Variants in CTBP1 observed in about 807,000 individuals in gnomAD.
The protein encoded by CTBP1 is C-terminal-binding protein 1.
A neutral mutation model predicts 42.1 loss-of-function variants in CTBP1; 11 were observed. The observed-to-expected ratio is 0.26, with a 90% CI of 0.16 to 0.43. The LOEUF (loss-of-function observed/expected upper bound fraction) is 0.43, where lower values mean the gene tolerates loss of function less well. Ranked by LOEUF, CTBP1 falls within the 20% of genes least tolerant of loss-of-function variation. The probability of loss-of-function intolerance (pLI) is 1.00; values close to 1 mark genes in which losing one functional copy is unlikely to be tolerated. For synonymous variants in CTBP1, 324 were observed against 277.1 expected (o/e 1.17, Z -1.68); for missense variants, 399 against 624.3 (o/e 0.64, Z 3.85).
intron 1 of CTBP1, chr4:1,245,463 G>A: frequency 2.0e-6 from 2 of 985,420 alleles, no homozygotes; most frequent in Non-Finnish European, 2.4e-6. Flanking sequence ...CACCACTGGA[G>A]AGACAGCCTC....
At position 1,225,461 on chromosome 4, in the gene CTBP1, G is replaced by A. The variant is rs756957912; in HGVS notation, c.413C>T (p.Ala138Val). Residue 138 changes from alanine to valine, a missense_variant, in exon 5 of 10, where the codon GCG (alanine) becomes GTG (valine). Physicochemically the swap from Ala to Val is moderately conservative, Grantham distance 64. Around this residue, in one of 4 missense-constraint regions of CTBP1, gnomAD observed 309 missense variants for 497.5 expected, o/e 0.62. Transcript: ENST00000382952. ...CTGGACTCGTGTGCCCTCCCGCAGC[G>A]CCTGGTGCAGCCAGGTGGCCCGCCG... ...LYRRATWLHQ[A>V]LREGTRVQSV... The A allele has an allele frequency of 2.6e-6, 4 of 1,542,906 alleles. No individual in the cohort carries two copies. The highest frequency in any genetic ancestry group is 1.2e-5 in the South Asian group (1 of 84,046).
chr4:1,225,083 T>C (rs1023042246), intron 5 of CTBP1, among the ~76,000 whole-genome samples: 3 of 151,974 alleles, frequency 2.0e-5, no homozygotes, highest in Non-Finnish European at 2.9e-5. Flanking sequence ...ACCCACGTGC[T>C]GTGATGTCTG....
At chr4:1,236,712 T>C (rs1344141982) in intron 3 of CTBP1, 1 of 680,784 alleles carries the variant, frequency 1.5e-6, no homozygotes, top group Non-Finnish European at 2.7e-6. Context: ...AAACCAAGTG[T>C]CCACCTCCTG....
At chr4:1,217,835 G>A (rs960448864) in intron 5 of CTBP1, 1 of 152,202 alleles carries the variant, frequency 6.6e-6, no homozygotes. Flanking sequence ...AGATGACCGA[G>A]GCTGGAATCA....
chr4:1,214,190 C>T lies in CTBP1; in HGVS notation c.860+153G>A, dbSNP rs112979986. 5.3e-4 allele frequency: 544 copies of T among 1,027,780 alleles called. 2 individuals are homozygous for T. The African/African-American group carries it at 8.2e-3, about 16-fold the overall frequency. 63.7% of individuals were successfully genotyped at this position (1,027,780 alleles called of 1,614,324 possible). A position where few individuals can be genotyped will look rare whatever the true frequency, so the allele number is the denominator to read the frequency against. On this transcript the variant is annotated intron_variant, in intron 7 of 9. Transcript: ENST00000382952. ...CCTAGAGCCCGTGGCTCCATCCTCA[C>T]CCCGCAGCGGGCGGCAAACTCCCCC...
At chr4:1,231,524 G>A (rs1040625839) in intron 3 of CTBP1, among the ~76,000 whole-genome samples, 43 of 152,192 alleles carry the variant, frequency 2.8e-4, no homozygotes, top group African/African-American at 1.0e-3. Flanking sequence ...ACCCCAGGAC[G>A]CTCCTGGTGG....
At chr4:1,216,362 C>G (rs1729115516) in intron 5 of CTBP1, 157 bp from the exon 6 acceptor site, 1 of 713,026 alleles carries the variant, frequency 1.4e-6, no homozygotes, top group South Asian at 1.8e-5. Context: ...GCACGCTCCA[C>G]ACGAGCGCTC....
intron 1 of CTBP1, chr4:1,245,169 A>G (rs1382218041): frequency 1.0e-6 from 1 of 985,358 alleles, no homozygotes; most frequent in Non-Finnish European, 1.2e-6. Flanking sequence ...CTTGGACGGC[A>G]GCATCCCTGT....
At chr4:1,222,092 T>C (rs1201342107) in intron 5 of CTBP1, among the ~76,000 whole-genome samples, 10 of 152,006 alleles carry the variant, frequency 6.6e-5, no homozygotes, top group Non-Finnish European at 1.5e-4. Context: ...AGAGGGCAGA[T>C]GGGGACATGC....
intron 5 of CTBP1, chr4:1,221,912 G>GT (rs1729781243): frequency 5.3e-6 from 2 of 379,944 alleles, no homozygotes; most frequent in African/African-American, 2.1e-5. Context: ...AGAAGGAGAT[G>GT]TAAGTCACGG....
intron 7 of CTBP1, 84 bp from the exon 8 acceptor site, chr4:1,213,689 T>G (rs1728787014): frequency 6.6e-7 from 1 of 1,515,824 alleles, no homozygotes; most frequent in South Asian, 1.2e-5. Flanking sequence ...TGGAACCCCC[T>G]GTGGGGGGCC....
intron 1 of CTBP1, among the ~76,000 whole-genome samples, chr4:1,248,286 C>G (rs1452212944): frequency 6.6e-6 from 1 of 151,854 alleles, no homozygotes; most frequent in Non-Finnish European, 1.5e-5. Context: ...ACGGAGACCC[C>G]GGGCCCTCCC....
intron 2 of CTBP1, among the ~76,000 whole-genome samples, chr4:1,239,849 T>C (rs1320785770): frequency 6.6e-6 from 1 of 152,236 alleles, no homozygotes; most frequent in African/African-American, 2.4e-5. Context: ...AACCGCGTCC[T>C]GGTTCGCCTG....
rs756831831 is a variant in CTBP1, at chr4:1,237,993, T to A, written c.162+190A>T. On this transcript the variant is annotated intron_variant, in intron 3 of 9. Transcript: ENST00000382952. ...CTGATGGGGCTCAGGGCAAACCCGATGTCCACCTCCTGATGGTGTCCAGGG... is the reference window on the plus strand; with the variant it reads ...CTGATGGGGCTCAGGGCAAACCCGAAGTCCACCTCCTGATGGTGTCCAGGG... 45 of 779,642 alleles carry A rather than the reference T, an allele frequency of 5.8e-5. No individual in the cohort carries two copies. In the African/African-American group the frequency reaches 7.0e-4, roughly 12 times the overall value. The allele number at this position is 779,642 out of a possible 1,614,324, so 48.3% of individuals were successfully genotyped here.
intron 3 of CTBP1, among the ~76,000 whole-genome samples, chr4:1,229,288 C>T (rs1560257594): frequency 6.6e-6 from 1 of 152,234 alleles, no homozygotes; most frequent in African/African-American, 2.4e-5. Context: ...CGCATCCACC[C>T]ACACCCAAAC....
intron 4 of CTBP1, among the ~76,000 whole-genome samples, chr4:1,226,012 C>T (rs1478185052): frequency 6.6e-6 from 1 of 152,078 alleles, no homozygotes; most frequent in Non-Finnish European, 1.5e-5. Flanking sequence ...GACATCCGCA[C>T]ATGTCCTCAG....
intron 1 of CTBP1, chr4:1,241,853 G>A (rs1732213395): frequency 1.7e-6 from 2 of 1,151,618 alleles, no homozygotes; most frequent in African/African-American, 1.6e-5. Context: ...AAGAACCAGG[G>A]GACGGAGGGC....
intron 6 of CTBP1, among the ~76,000 whole-genome samples, chr4:1,215,294 C>T (rs989622853): frequency 3.3e-5 from 5 of 152,268 alleles, no homozygotes; most frequent in African/African-American, 9.6e-5. Context: ...CTAGAGTGGG[C>T]GGGTGGCCTC....
intron 5 of CTBP1, chr4:1,223,584 A>G: frequency 2.3e-6 from 1 of 438,378 alleles, no homozygotes; most frequent in Non-Finnish European, 4.6e-6. Flanking sequence ...TTGCATCCCC[A>G]TGGGGCCTCC....
Sources: allele counts gnomAD v4.1 joint callset (sites outside exome capture counted in the v4.1 genomes callset), GRCh38; gene constraint gnomAD v4.1.1; regional missense constraint gnomAD v4.1.1; transcripts MANE v1.5; gene names NCBI Gene and HGNC (gene_info 2026-07-23, HGNC 2026-07-21).